The following UBE2W variants were observed in gnomAD, a reference collection of about 807,000 sequenced individuals.
UBE2W encodes ubiquitin conjugating enzyme E2 W.
UBE2W carries 18 observed loss-of-function variants against 27.2 expected under a neutral mutation model. That is an observed-to-expected ratio of 0.66 (90% CI 0.46 to 0.98). The LOEUF (loss-of-function observed/expected upper bound fraction) is 0.98, where lower values mean the gene tolerates loss of function less well. Ranked by LOEUF, UBE2W falls within the 50% of genes least tolerant of loss-of-function variation. The probability of loss-of-function intolerance (pLI) is 0.00; values close to 1 mark genes in which losing one functional copy is unlikely to be tolerated. For synonymous variants in UBE2W, 53 were observed against 57.2 expected (o/e 0.93, Z 0.33); for missense variants, 90 against 180.2 (o/e 0.50, Z 2.87).
intron 3 of UBE2W, among the ~76,000 whole-genome samples, chr8:73,818,121 T>C (rs1310228153): frequency 6.6e-6 from 1 of 152,220 alleles, no homozygotes. Context: ...TCTAAATTGG[T>C]TGCTTTCCCT....
intron 1 of UBE2W, among the ~76,000 whole-genome samples, chr8:73,878,358 G>C (rs1400817833): frequency 6.6e-6 from 1 of 152,226 alleles, no homozygotes; most frequent in South Asian, 2.1e-4. Context: ...CTCCGGAGAC[G>C]CATTCTCGGC....
At chr8:73,806,041 G>C (rs1203267476) in intron 4 of UBE2W, among the ~76,000 whole-genome samples, 4 of 152,160 alleles carry the variant, frequency 2.6e-5, no homozygotes, top group African/African-American at 9.7e-5. Flanking sequence ...TGTAATCCCA[G>C]CTACTTGGGA....
chr8:73,789,743 C>G lies in UBE2W; in HGVS notation c.*4359G>C, dbSNP rs950565351. Reference sequence around the variant, plus strand: ...ATCCCAGCTACTCAAGAGGCTGAGGCAGGAGAATCGCTTAGACCCAGGAGG... The same window carrying G: ...ATCCCAGCTACTCAAGAGGCTGAGGGAGGAGAATCGCTTAGACCCAGGAGG... On this transcript the variant is annotated 3_prime_UTR_variant, in exon 6 of 6. Transcript: ENST00000602593. The G allele has an allele frequency of 4.1e-6, 1 of 246,678 alleles. No homozygotes were observed. The highest frequency in any genetic ancestry group is 2.3e-5 in the African/African-American group (1 of 43,072). 15.3% of individuals were successfully genotyped at this position (246,678 alleles called of 1,614,324 possible).
intron 5 of UBE2W, among the ~76,000 whole-genome samples, chr8:73,798,570 C>G (rs748596040): frequency 1.3e-5 from 2 of 152,164 alleles, no homozygotes; most frequent in Non-Finnish European, 2.9e-5. Flanking sequence ...GATCTGTCCT[C>G]CCCGCTGTGG....
Position 73,788,074 on chromosome 8 carries a change from A to G in UBE2W, c.*6028T>C, listed in dbSNP as rs1808035214. 18 of 985,096 alleles carry G rather than the reference A, an allele frequency of 1.8e-5. No homozygotes were observed. Among genetic ancestry groups the G allele is most frequent in the Non-Finnish European group, 2.2e-5 (18 of 829,630 alleles). 61.0% of individuals were successfully genotyped at this position (985,096 alleles called of 1,614,324 possible). A position where few individuals can be genotyped will look rare whatever the true frequency, so the allele number is the denominator to read the frequency against. On this transcript the variant is annotated 3_prime_UTR_variant, in exon 6 of 6. Coordinates refer to ENST00000602593, the MANE Select transcript of UBE2W (RefSeq NM_018299.6). ...CTGTACAAATACTTTTACGTCATAA[A>G]CCAAAAAGAGGTCTGGTATCTATCC...
intron 5 of UBE2W, among the ~76,000 whole-genome samples, 146 bp downstream of exon 5, chr8:73,805,496 CATTAAATAT>C (rs1232453137): frequency 1.8e-4 from 11 of 61,690 alleles, no homozygotes; most frequent in Non-Finnish European, 3.8e-4. Flanking sequence ...GTAATTCATC[CATTAAATAT>C]ATTAGAATAT....
At chr8:73,808,378 G>A (rs564629547) in intron 4 of UBE2W, among the ~76,000 whole-genome samples, 22 of 152,258 alleles carry the variant, frequency 1.4e-4, no homozygotes, top group African/African-American at 4.8e-4. Flanking sequence ...GGGACTACAG[G>A]CATGCGCCAC....
chr8:73,853,109 A>C (rs1200936483), intron 1 of UBE2W, among the ~76,000 whole-genome samples: 3 of 152,158 alleles, frequency 2.0e-5, no homozygotes, highest in African/African-American at 7.2e-5. Flanking sequence ...CAGAGAGCTA[A>C]TTTGCCTTGC....
chr8:73,792,204 G>A lies in UBE2W; in HGVS notation c.*1898C>T. 1.0e-6 allele frequency: 1 copy of A among 985,572 alleles called. No homozygotes were observed. The highest frequency in any genetic ancestry group is 1.2e-6 in the Non-Finnish European group (1 of 829,790). The allele number at this position is 985,572 out of a possible 1,614,324, so 61.1% of individuals were successfully genotyped here. A position where few individuals can be genotyped will look rare whatever the true frequency, so the allele number is the denominator to read the frequency against. On this transcript the variant is annotated 3_prime_UTR_variant, in exon 6 of 6. Coordinates refer to ENST00000602593, the MANE Select transcript of UBE2W (RefSeq NM_018299.6). ...AAGACTTTCTGTCTTGGTTAAACAGGCCAACTAATAAAACTGACAGAGATC... is the reference window on the plus strand; with the variant it reads ...AAGACTTTCTGTCTTGGTTAAACAGACCAACTAATAAAACTGACAGAGATC...
chr8:73,871,788 GAGAGATGCC>G (rs1342699964), intron 1 of UBE2W, among the ~76,000 whole-genome samples: 1 of 152,182 alleles, frequency 6.6e-6, no homozygotes, highest in Admixed American at 6.5e-5. Context: ...TATATTTTCA[GAGAGATGCC>G]AGATCATCCC....
chr8:73,856,357 A>ATTTTTTTTTTT (rs34593904), intron 1 of UBE2W, among the ~76,000 whole-genome samples: 4 of 89,362 alleles, frequency 4.5e-5, no homozygotes, highest in Non-Finnish European at 4.0e-5. Context: ...ACACTTATGA[A>ATTTTTTTTTTT]TTTTTTTTTT....
In UBE2W at chr8:73,793,944, C is replaced by T. The variant is rs1415290095; in HGVS notation, c.*158G>A. The stretch of plus-strand genomic sequence containing the variant: ...CTGGACTGAACCAGCGATCAACATG[C>T]GCCCAGAATGCACACGAGTAAAAAT... On this transcript the variant is annotated 3_prime_UTR_variant, in exon 6 of 6. Transcript: ENST00000602593. 7 of 1,452,806 alleles carry T rather than the reference C, an allele frequency of 4.8e-6. No individual in the cohort carries two copies. Among genetic ancestry groups the T allele is most frequent in the Admixed American group, 2.8e-5 (1 of 36,202 alleles). The allele number at this position is 1,452,806 out of a possible 1,614,324, so 90.0% of individuals were successfully genotyped here.
rs2130842185 is a variant in UBE2W, at chr8:73,793,105, A to G, written c.*997T>C. On this transcript the variant is annotated 3_prime_UTR_variant, in exon 6 of 6. Transcript: ENST00000602593. ...GTATTGTAACATTCAAACTTGACTTATAACAAAAGAAACAAGATTGCAAAC... is the reference window on the plus strand; with the variant it reads ...GTATTGTAACATTCAAACTTGACTTGTAACAAAAGAAACAAGATTGCAAAC... 3.0e-6 allele frequency: 3 copies of G among 985,850 alleles called. No individual in the cohort carries two copies. The highest frequency in any genetic ancestry group is 9.4e-5 in the South Asian group (2 of 21,290). The allele number at this position is 985,850 out of a possible 1,614,324, so 61.1% of individuals were successfully genotyped here.
chr8:73,780,938 A>T (rs764818743), intron 4 of UBE2W, among the ~76,000 whole-genome samples: 3 of 152,186 alleles, frequency 2.0e-5, no homozygotes, highest in Non-Finnish European at 4.4e-5. Flanking sequence ...GACATTCAGA[A>T]ATAATTTATT....
downstream of UBE2W, chr8:73,786,153 T>C (rs1371003295): frequency 1.1e-6 from 1 of 914,988 alleles, no homozygotes. Flanking sequence ...AACAATTAAT[T>C]TGTGACAAGC....
At chr8:73,847,894 C>G (rs1384312529) in intron 1 of UBE2W, among the ~76,000 whole-genome samples, 1 of 148,182 alleles carries the variant, frequency 6.7e-6, no homozygotes, top group Non-Finnish European at 1.5e-5. Flanking sequence ...AAGAGTGAAA[C>G]TCTGTCTCAA....
intron 1 of UBE2W, among the ~76,000 whole-genome samples, chr8:73,852,418 T>C (rs1166777079): frequency 1.3e-5 from 2 of 152,218 alleles, no homozygotes; most frequent in Admixed American, 1.3e-4. Context: ...CCAAATGAAA[T>C]ATTTGTTTTC....
intron 4 of UBE2W, among the ~76,000 whole-genome samples, chr8:73,809,802 C>T (rs772879875): frequency 9.9e-5 from 15 of 152,132 alleles, no homozygotes; most frequent in Non-Finnish European, 1.8e-4. Flanking sequence ...TGGTCTCGAA[C>T]TCCTGACCGC....
chr8:73,871,655 T>C (rs1404766540), intron 1 of UBE2W, among the ~76,000 whole-genome samples: 1 of 152,054 alleles, frequency 6.6e-6, no homozygotes, highest in Non-Finnish European at 1.5e-5. Flanking sequence ...GACACTTTAA[T>C]ACCTGACAAA....
Sources: gnomAD v4.1 joint callset for allele counts (sites outside exome capture counted in the v4.1 genomes callset) on GRCh38, gnomAD v4.1.1 for gene constraint, MANE v1.5 for transcripts, NCBI Gene and HGNC (gene_info 2026-07-23, HGNC 2026-07-21) for gene names.